GRIK4: variants seen among roughly 807,000 people sequenced by gnomAD.
GRIK4 encodes the protein glutamate ionotropic receptor kainate type subunit 4.
A neutral mutation model predicts 104.9 loss-of-function variants in GRIK4; 40 were observed. The ratio of observed to expected loss-of-function variants is 0.38; its 90% CI spans 0.30 to 0.50. The LOEUF is 0.50. Among genes scored for constraint, GRIK4 ranks in the 20% least tolerant of loss-of-function variants. GRIK4 has a pLI of 0.93. For missense variants in GRIK4, 1,047 were observed against 1,308.1 expected (o/e 0.80, Z 3.08); for synonymous variants, 485 against 524.9 (o/e 0.92, Z 1.04).
At chr11:120,768,690 C>T (rs1272531484) in intron 3 of GRIK4, among the ~76,000 whole-genome samples, 1 of 152,142 alleles carries the variant, frequency 6.6e-6, no homozygotes, top group Non-Finnish European at 1.5e-5. Context: ...TAATACATAG[C>T]CTTTATTGTA....
At chr11:120,633,578 T>G (rs1949357438) in intron 1 of GRIK4, among the ~76,000 whole-genome samples, 1 of 152,216 alleles carries the variant, frequency 6.6e-6, no homozygotes, top group Non-Finnish European at 1.5e-5. Context: ...GCTTTTAACT[T>G]TTATTGTTTA....
At chr11:120,656,725 G>A (rs1215492107) in intron 2 of GRIK4, among the ~76,000 whole-genome samples, 1 of 152,192 alleles carries the variant, frequency 6.6e-6, no homozygotes, top group Non-Finnish European at 1.5e-5. Flanking sequence ...TTGGTGGTGG[G>A]CATCTGTAAT....
At chr11:120,824,043 G>A (rs186002790) in intron 6 of GRIK4, among the ~76,000 whole-genome samples, 330 of 152,308 alleles carry the variant, frequency 2.2e-3, no homozygotes, top group African/African-American at 7.6e-3. Context: ...TTAATGCAGG[G>A]CTGAGAGATA....
chr11:120,923,294 C>T (rs1020172370), intron 13 of GRIK4, among the ~76,000 whole-genome samples: 6 of 151,932 alleles, frequency 3.9e-5, no homozygotes, highest in South Asian at 2.1e-4. Flanking sequence ...CTCTGGGGCT[C>T]GTGCACAAAG....
chr11:120,518,687 T>TACTGCAACCTC (rs1447455613), intron 1 of GRIK4, among the ~76,000 whole-genome samples: 1 of 152,154 alleles, frequency 6.6e-6, no homozygotes, highest in Non-Finnish European at 1.5e-5. Flanking sequence ...TGCGCGACCT[T>TACTGCAACCTC]GGCTTACTGC....
At chr11:120,789,574 C>T (rs1952355763) in intron 3 of GRIK4, among the ~76,000 whole-genome samples, 1 of 152,124 alleles carries the variant, frequency 6.6e-6, no homozygotes, top group African/African-American at 2.4e-5. Context: ...TGGGAGTGAT[C>T]GCCCTAAAAT....
intron 1 of GRIK4, among the ~76,000 whole-genome samples, chr11:120,589,396 A>T (rs1261846525): frequency 6.6e-6 from 1 of 152,176 alleles, no homozygotes; most frequent in African/African-American, 2.4e-5. Flanking sequence ...TCTAAATGCC[A>T]AGGGCTTTTC....
Position 120,953,158 on chromosome 11 carries a change from C to G in GRIK4, c.1700+194C>G, listed in dbSNP as rs910542209. Among the ~76,000 whole-genome samples, 3 of 151,922 alleles carry G rather than the reference C, an allele frequency of 2.0e-5. No individual in the cohort carries two copies. Among genetic ancestry groups the G allele is most frequent in the Non-Finnish European group, 4.4e-5 (3 of 67,986 alleles). ...CAGCTGTCGACCTCATGCTGCCCAT[C>G]CAAACATTCCCCACTGTGCACGACG... On this transcript the variant is annotated intron_variant, in intron 15 of 20. Coordinates refer to ENST00000527524, the MANE Select transcript of GRIK4 (RefSeq NM_014619.5). The surrounding 1 kb of genome is among the most constrained non-coding windows in gnomAD (Gnocchi z 4.9).
chr11:120,795,196 C>G (rs902556959), intron 3 of GRIK4, among the ~76,000 whole-genome samples: 1 of 152,174 alleles, frequency 6.6e-6, no homozygotes, highest in African/African-American at 2.4e-5. Context: ...TAAGAGTTAC[C>G]GAAGTGCATG....
In GRIK4 at chr11:120,985,983, G is replaced by C. The variant is rs2134816865; in HGVS notation, c.2594G>C (p.Arg865Pro). 1 of 1,534,336 alleles carries C rather than the reference G, an allele frequency of 6.5e-7. No homozygotes were observed. The highest frequency in any genetic ancestry group is 2.6e-5 in the East Asian group (1 of 38,912). Reference sequence around the variant, plus strand: ...GACAGTATCCACCCCCGCCGGCGGCGCGCCGCAGTCCCGCCGCCCCGGCCC... The same window carrying C: ...GACAGTATCCACCCCCGCCGGCGGCCCGCCGCAGTCCCGCCGCCCCGGCCC... ...CQDSIHPRRRRAAVPPPRPPI... is the reference protein window; with the variant it reads ...CQDSIHPRRRPAAVPPPRPPI... The change falls in exon 21 of 21, where the codon CGC (arginine) becomes CCC (proline). Residue 865 changes from arginine (R) to proline (P), a missense_variant. This residue lies in a region of GRIK4 where 440 missense variants were observed against 652.3 expected (regional missense o/e 0.67). Coordinates refer to ENST00000527524, the MANE Select transcript of GRIK4 (RefSeq NM_014619.5).
intron 13 of GRIK4, among the ~76,000 whole-genome samples, chr11:120,907,218 C>T (rs1942887721): frequency 1.3e-5 from 2 of 152,166 alleles, no homozygotes; most frequent in Non-Finnish European, 2.9e-5. Flanking sequence ...CTTTTCTTTA[C>T]CTTCTTACTG....
rs191505327 is a variant in GRIK4 at position 120,580,013 on chromosome 11, A to G, written c.-159+68126A>G. 1.6e-4 allele frequency among the ~76,000 whole-genome samples: 24 copies of G among 152,254 alleles called. No homozygotes were observed. In the East Asian group the frequency reaches 4.4e-3, roughly 28 times the overall value. On this transcript the variant is annotated intron_variant, in intron 1 of 20. Transcript: ENST00000527524. Reference sequence around the variant, plus strand: ...AGTCTGGCTTCTTCCACTTGGCATAATGTATTTGAGATTTATCCATGTTGC... The same window carrying G: ...AGTCTGGCTTCTTCCACTTGGCATAGTGTATTTGAGATTTATCCATGTTGC...
chr11:120,928,883 A>G (rs777164427), intron 13 of GRIK4, among the ~76,000 whole-genome samples: 14 of 152,176 alleles, frequency 9.2e-5, no homozygotes, highest in Non-Finnish European at 1.8e-4. Context: ...TGCCTCTTCA[A>G]TCATTGCTGT....
At chr11:120,930,139 G>A (rs567406203) in intron 13 of GRIK4, among the ~76,000 whole-genome samples, 1 of 152,320 alleles carries the variant, frequency 6.6e-6, no homozygotes, top group South Asian at 2.1e-4. Flanking sequence ...CTGAGAATGT[G>A]TACATGGGGG....
chr11:120,652,802 G>A (rs1197321975), intron 1 of GRIK4, among the ~76,000 whole-genome samples: 1 of 152,120 alleles, frequency 6.6e-6, no homozygotes, highest in Non-Finnish European at 1.5e-5. Context: ...TAGTAGCCCT[G>A]TGAGGATGAG....
At chr11:120,889,588 C>CTTTTTTTTTTTTTTTTTTTTTTT (rs776440015) in intron 11 of GRIK4, among the ~76,000 whole-genome samples, 4 of 67,146 alleles carry the variant, frequency 6.0e-5, no homozygotes, top group East Asian at 5.7e-4. Context: ...AAAGAGCTTA[C>CTTTTTTTTTTTTTTTTTTTTTTT]ATTTTTTTTT....
At chr11:120,769,902 G>C (rs1367233036) in intron 3 of GRIK4, among the ~76,000 whole-genome samples, 11 of 152,154 alleles carry the variant, frequency 7.2e-5, no homozygotes, top group Admixed American at 7.2e-4. Context: ...CAGTTTCTGG[G>C]CAACACTTCT....
chr11:120,644,963 G>A (rs1439825296), intron 1 of GRIK4, among the ~76,000 whole-genome samples: 1 of 152,114 alleles, frequency 6.6e-6, no homozygotes, highest in Non-Finnish European at 1.5e-5. Context: ...TGGGCCTTAC[G>A]CTTCCTTCTT....
chr11:120,798,153 G>GTC (rs1239744916), intron 3 of GRIK4, among the ~76,000 whole-genome samples: 5 of 121,146 alleles, frequency 4.1e-5, no homozygotes, highest in Non-Finnish European at 6.6e-5. Context: ...GAGCTCTGCT[G>GTC]TCTCTTTTTT....
Sources: gnomAD v4.1 joint callset for allele counts (sites outside exome capture counted in the v4.1 genomes callset) on GRCh38, gnomAD v4.1.1 for gene constraint, gnomAD v4.1.1 regional missense constraint, Gnocchi (gnomAD v3.1) non-coding constraint, MANE v1.5 for transcripts, NCBI Gene and HGNC (gene_info 2026-07-23, HGNC 2026-07-21) for gene names.